The following THSD7A variants were observed in gnomAD, a reference collection of about 807,000 sequenced individuals.
THSD7A encodes thrombospondin type-1 domain-containing protein 7A.
A neutral mutation model predicts 231.3 loss-of-function variants in THSD7A; 96 were observed. The ratio of observed to expected loss-of-function variants is 0.41; its 90% CI spans 0.35 to 0.49. THSD7A has a LOEUF of 0.49. THSD7A is among the 20% of genes least tolerant of loss of function. The probability of loss-of-function intolerance (pLI) is 0.05; values close to 1 mark genes in which losing one functional copy is unlikely to be tolerated. For missense variants in THSD7A, 2,290 were observed against 2,070.2 expected, an observed-to-expected ratio of 1.11 and a Z score of -2.06; for synonymous variants, 940 against 743.3, an observed-to-expected ratio of 1.26 and a Z score of -4.30.
chr7:11,789,448 G>C (rs1205496546), intron 1 of THSD7A, among the ~76,000 whole-genome samples: 1 of 152,024 alleles, frequency 6.6e-6, no homozygotes, highest in African/African-American at 2.4e-5. Flanking sequence ...AGCCAGGCTA[G>C]AGAAAATGAC....
At chr7:11,770,490 CA>C (rs1783186896) in intron 1 of THSD7A, among the ~76,000 whole-genome samples, 1 of 151,994 alleles carries the variant, frequency 6.6e-6, no homozygotes, top group Non-Finnish European at 1.5e-5. Flanking sequence ...ACAGTGAAGC[CA>C]CATTTACCAG....
intron 4 of THSD7A, among the ~76,000 whole-genome samples, chr7:11,547,264 A>G (rs1258114558): frequency 2.6e-5 from 4 of 152,218 alleles, no homozygotes; most frequent in Admixed American, 2.0e-4. Flanking sequence ...GACAACAACT[A>G]GCCAATATAA....
At chr7:11,507,774 G>A (rs1583870741) in intron 6 of THSD7A, among the ~76,000 whole-genome samples, 1 of 152,008 alleles carries the variant, frequency 6.6e-6, no homozygotes, top group African/African-American at 2.4e-5. Flanking sequence ...AGGCTTTAAT[G>A]TATTATTCAC....
At chr7:11,719,677 C>T (rs1374023378) in intron 1 of THSD7A, among the ~76,000 whole-genome samples, 1 of 151,588 alleles carries the variant, frequency 6.6e-6, no homozygotes, top group Non-Finnish European at 1.5e-5. Context: ...GGCCACAAAC[C>T]AGGTCTACTC....
rs140298140 is a variant in THSD7A at position 11,565,946 on chromosome 7, T to A, written c.1454-22829A>T. Among the ~76,000 whole-genome samples the A allele has an allele frequency of 1.2e-3, 179 of 152,250 alleles. 1 individual carries two copies. The Middle Eastern group carries it at 0.014, about 12-fold the overall frequency. ...GGGTTTGACATTTAAAAAATGGAGT[T>A]TTCAGTACTTCTGGGTTCTCCTTTT... On this transcript the variant is annotated intron_variant, in intron 4 of 27. Coordinates refer to ENST00000423059, the MANE Select transcript of THSD7A (RefSeq NM_015204.3).
At chr7:11,533,325 G>T (rs989308631) in intron 6 of THSD7A, among the ~76,000 whole-genome samples, 1 of 152,010 alleles carries the variant, frequency 6.6e-6, no homozygotes, top group African/African-American at 2.4e-5. Context: ...GAAAATTCAA[G>T]AGCTCAGAAT....
chr7:11,712,811 T>C (rs1399860723), intron 1 of THSD7A, among the ~76,000 whole-genome samples: 2 of 151,082 alleles, frequency 1.3e-5, no homozygotes, highest in African/African-American at 4.8e-5. Context: ...CTGTTCTCCA[T>C]GTAGAAATCA....
chr7:11,562,348 T>A (rs1317897573), intron 4 of THSD7A, among the ~76,000 whole-genome samples: 1 of 152,198 alleles, frequency 6.6e-6, no homozygotes, highest in Admixed American at 6.5e-5. Flanking sequence ...TGAATAATGA[T>A]ATACATTTTC....
At chr7:11,448,845 A>G (rs957031649) in intron 11 of THSD7A, among the ~76,000 whole-genome samples, 1 of 152,128 alleles carries the variant, frequency 6.6e-6, no homozygotes, top group Non-Finnish European at 1.5e-5. Flanking sequence ...CATTTAGTAC[A>G]CATGACTTGA....
rs143016848 is a variant in THSD7A, at chr7:11,523,003, A to T, written c.1822+18416T>A. ...AATGATTATTATGGTAAACAAACTC[A>T]GATGAACTATCTCAAGTATGTCCAC... On this transcript the variant is annotated intron_variant, in intron 6 of 27. Transcript: ENST00000423059. Among the ~76,000 whole-genome samples the T allele has an allele frequency of 4.6e-5, 7 of 152,302 alleles. No homozygotes were observed. In the East Asian group the frequency reaches 1.2e-3, roughly 25 times the overall value.
intron 2 of THSD7A, among the ~76,000 whole-genome samples, chr7:11,621,624 A>G (rs1314279637): frequency 6.6e-6 from 1 of 152,152 alleles, no homozygotes; most frequent in African/African-American, 2.4e-5. Flanking sequence ...ACACAAATAG[A>G]CATAAATCCT....
chr7:11,476,606 CAG>C (rs1786195045), intron 7 of THSD7A, among the ~76,000 whole-genome samples: 2 of 152,026 alleles, frequency 1.3e-5, no homozygotes, highest in Non-Finnish European at 1.5e-5. Context: ...TGCCTGAGCT[CAG>C]GAGTTTGGGA....
chr7:11,692,342 C>A (rs1483102726), intron 1 of THSD7A, among the ~76,000 whole-genome samples: 1 of 151,490 alleles, frequency 6.6e-6, no homozygotes, highest in Non-Finnish European at 1.5e-5. Flanking sequence ...AAAATAGATA[C>A]CTCAGTCTCT....
At chr7:11,383,717 T>G (rs1198765579) in intron 23 of THSD7A, 1 of 152,056 alleles carries the variant, frequency 6.6e-6, no homozygotes, top group Non-Finnish European at 1.5e-5. Flanking sequence ...CAAAAATGTT[T>G]CAGGACATTT....
At chr7:11,544,318 G>T (rs1398948056) in intron 4 of THSD7A, among the ~76,000 whole-genome samples, 1 of 152,038 alleles carries the variant, frequency 6.6e-6, no homozygotes, top group African/African-American at 2.4e-5. Flanking sequence ...CTCCAGCCTG[G>T]CAACAGAGCG....
intron 1 of THSD7A, among the ~76,000 whole-genome samples, chr7:11,750,472 T>G (rs1782462198): frequency 7.0e-6 from 1 of 142,522 alleles, no homozygotes; most frequent in South Asian, 2.1e-4. Flanking sequence ...CTTGTTCCCT[T>G]TTTTAATTGT....
intron 1 of THSD7A, among the ~76,000 whole-genome samples, chr7:11,810,118 T>C (rs1330285705): frequency 1.3e-5 from 2 of 152,296 alleles, no homozygotes; most frequent in East Asian, 3.9e-4. Flanking sequence ...GCTCTTAGCA[T>C]ACAGCTGGCA....
chr7:11,645,160 G>A (rs1215447052), intron 1 of THSD7A, among the ~76,000 whole-genome samples: 1 of 151,750 alleles, frequency 6.6e-6, no homozygotes, highest in Admixed American at 6.6e-5. Flanking sequence ...CAAATCCACT[G>A]TTATTTTAGT....
At chr7:11,480,849 A>C (rs1262397366) in intron 7 of THSD7A, among the ~76,000 whole-genome samples, 1 of 152,160 alleles carries the variant, frequency 6.6e-6, no homozygotes, top group Non-Finnish European at 1.5e-5. Flanking sequence ...ACTCCCCCCA[A>C]ATCGATAATT....
Sources: allele counts gnomAD v4.1 joint callset (sites outside exome capture counted in the v4.1 genomes callset), GRCh38; gene constraint gnomAD v4.1.1; transcripts MANE v1.5; gene names NCBI Gene and HGNC (gene_info 2026-07-23, HGNC 2026-07-21).